Variants in TRPM3 observed in about 807,000 individuals in gnomAD.
TRPM3 encodes transient receptor potential cation channel subfamily M member 3.
Under a neutral mutation model 181.2 loss-of-function variants are expected in TRPM3, and 77 were observed. The observed-to-expected ratio is 0.42, with a 90% CI of 0.35 to 0.51. The LOEUF (loss-of-function observed/expected upper bound fraction) is 0.51, where lower values mean the gene tolerates loss of function less well. Ranked by LOEUF, TRPM3 falls within the 20% of genes least tolerant of loss-of-function variation. The pLI is 0.01. For missense variants in TRPM3, 1,759 were observed against 2,196.7 expected, an observed-to-expected ratio of 0.80 and a Z score of 3.98; for synonymous variants, 745 against 796.4, an observed-to-expected ratio of 0.94 and a Z score of 1.09.
intron 9 of TRPM3, among the ~76,000 whole-genome samples, chr9:70,656,864 G>A (rs2060415593): frequency 6.6e-6 from 1 of 151,720 alleles, no homozygotes; most frequent in African/African-American, 2.4e-5. Context: ...TAAAGGTTAT[G>A]TATAAAACAA....
chr9:70,994,449 C>T (rs2097523980), intron 1 of TRPM3, among the ~76,000 whole-genome samples: 1 of 152,034 alleles, frequency 6.6e-6, no homozygotes, highest in Non-Finnish European at 1.5e-5. Context: ...TGACTCTATT[C>T]CTTATTTTTC....
At chr9:70,701,463 C>T (rs534622831) in intron 8 of TRPM3, among the ~76,000 whole-genome samples, 11 of 152,274 alleles carry the variant, frequency 7.2e-5, no homozygotes, top group Admixed American at 2.6e-4. Context: ...AGCACAGAAG[C>T]GGTGGTTTCT....
chr9:71,072,609 A>C (rs495845), intron 1 of TRPM3, among the ~76,000 whole-genome samples: 34,794 of 152,126 alleles, frequency 0.23, 4,716 homozygotes, highest in East Asian at 0.33. Flanking sequence ...AGCTGGACCC[A>C]ACCCGTCTGA....
intron 8 of TRPM3, among the ~76,000 whole-genome samples, chr9:70,695,821 G>T (rs779177163): frequency 6.6e-6 from 1 of 152,112 alleles, no homozygotes; most frequent in Non-Finnish European, 1.5e-5. Flanking sequence ...TGACCTTGAC[G>T]CCGGAGAGGT....
intron 1 of TRPM3, among the ~76,000 whole-genome samples, chr9:71,300,948 T>C (rs1026850532): frequency 4.6e-5 from 7 of 152,128 alleles, no homozygotes; most frequent in African/African-American, 1.7e-4. Flanking sequence ...TGATTCAGTG[T>C]GATTTGTACA....
intron 1 of TRPM3, among the ~76,000 whole-genome samples, chr9:71,170,259 G>T (rs534598174): frequency 2.0e-5 from 3 of 152,028 alleles, no homozygotes; most frequent in Non-Finnish European, 4.4e-5. Flanking sequence ...GAAGATGAAG[G>T]GAAGGGAAGG....
chr9:71,406,628 T>C (rs1181283595), intron 1 of TRPM3, among the ~76,000 whole-genome samples: 2 of 152,178 alleles, frequency 1.3e-5, no homozygotes, highest in Non-Finnish European at 1.5e-5. Context: ...AACTTCTCCA[T>C]AGATTAAGAG....
At chr9:71,103,998 T>C (rs2068941304) in intron 1 of TRPM3, among the ~76,000 whole-genome samples, 1 of 152,004 alleles carries the variant, frequency 6.6e-6, no homozygotes, top group Non-Finnish European at 1.5e-5. Context: ...AACTGCAACG[T>C]CCACCTCCCT....
chr9:70,911,587 C>A (rs1442904383), intron 1 of TRPM3, among the ~76,000 whole-genome samples: 1 of 152,118 alleles, frequency 6.6e-6, no homozygotes, highest in Non-Finnish European at 1.5e-5. Context: ...CTAAAACCTG[C>A]CTCATGTATA....
intron 1 of TRPM3, among the ~76,000 whole-genome samples, chr9:71,315,474 C>T (rs527607263): frequency 6.6e-6 from 1 of 152,264 alleles, no homozygotes; most frequent in South Asian, 2.1e-4. Flanking sequence ...TCTTTCTACT[C>T]TGTCTAGATC....
intron 1 of TRPM3, among the ~76,000 whole-genome samples, chr9:71,367,048 G>C (rs1169730950): frequency 6.6e-6 from 1 of 152,098 alleles, no homozygotes; most frequent in Non-Finnish European, 1.5e-5. Context: ...TTAAGGAACT[G>C]TCTTGTTCCA....
At chr9:70,972,611 T>C (rs188498369) in intron 1 of TRPM3, among the ~76,000 whole-genome samples, 6 of 152,294 alleles carry the variant, frequency 3.9e-5, no homozygotes, top group Admixed American at 3.9e-4. Flanking sequence ...CTAGAAACTT[T>C]ATGGTATGTA....
chr9:70,937,612 G>T (rs1170901949), intron 1 of TRPM3, among the ~76,000 whole-genome samples: 1 of 152,132 alleles, frequency 6.6e-6, no homozygotes, highest in Non-Finnish European at 1.5e-5. Context: ...AAACCTGTAG[G>T]TAAGTAACTT....
chr9:71,381,911 G>A (rs546943412), intron 1 of TRPM3, among the ~76,000 whole-genome samples: 46 of 152,140 alleles, frequency 3.0e-4, no homozygotes, highest in Non-Finnish European at 6.5e-4. Flanking sequence ...TTAATTCTAC[G>A]GTTTTTGAGC....
chr9:71,423,150 T>C (rs1055965128), intron 1 of TRPM3, among the ~76,000 whole-genome samples: 6 of 152,246 alleles, frequency 3.9e-5, no homozygotes, highest in Admixed American at 3.9e-4. Context: ...CTGCATTTCC[T>C]GCTGTGAGCA....
intron 1 of TRPM3, among the ~76,000 whole-genome samples, chr9:71,082,591 G>A (rs984732560): frequency 6.6e-6 from 1 of 152,094 alleles, no homozygotes; most frequent in Non-Finnish European, 1.5e-5. Flanking sequence ...AGAACTTTTT[G>A]TGCAAAGAAA....
chr9:71,397,192 A>G (rs1423641257), intron 1 of TRPM3, among the ~76,000 whole-genome samples: 7 of 152,178 alleles, frequency 4.6e-5, no homozygotes, highest in Admixed American at 4.6e-4. Context: ...TTAGATAAAG[A>G]TCATTTTTGC....
At chr9:70,983,988 G>A (rs1238327296) in intron 1 of TRPM3, among the ~76,000 whole-genome samples, 2 of 152,100 alleles carry the variant, frequency 1.3e-5, no homozygotes, top group Non-Finnish European at 2.9e-5. Context: ...TCTGGCTGTG[G>A]TTCCTTTGTA....
At chr9:70,636,424 C>T (rs1009043157) in intron 11 of TRPM3, among the ~76,000 whole-genome samples, 2 of 151,872 alleles carry the variant, frequency 1.3e-5, no homozygotes, top group East Asian at 1.9e-4. Flanking sequence ...GTAAAAAAGA[C>T]GGATGTTTGT....
Sources: gnomAD v4.1 joint callset for allele counts (sites outside exome capture counted in the v4.1 genomes callset) on GRCh38, gnomAD v4.1.1 for gene constraint, MANE v1.5 for transcripts, NCBI Gene and HGNC (gene_info 2026-07-23, HGNC 2026-07-21) for gene names.